The following MAD1L1 variants were observed in gnomAD, a reference collection of about 807,000 sequenced individuals.
MAD1L1 encodes the protein mitotic arrest deficient 1 like 1.
Under a neutral mutation model 96.9 loss-of-function variants are expected in MAD1L1, and 95 were observed. The observed-to-expected ratio is 0.98, with a 90% CI of 0.83 to 1.16. The LOEUF is 1.16. MAD1L1 is among the 50% of genes most tolerant of loss of function. The pLI, the probability that MAD1L1 is intolerant of heterozygous loss-of-function variation, is 0.00. For synonymous variants in MAD1L1, 473 were observed against 396.6 expected (o/e 1.19, Z -2.29); for missense variants, 1,007 against 954.4 (o/e 1.06, Z -0.73).
intron 11 of MAD1L1, among the ~76,000 whole-genome samples, chr7:2,074,014 G>A (rs563607856): frequency 5.3e-5 from 8 of 152,284 alleles, no homozygotes; most frequent in Non-Finnish European, 7.3e-5. Context: ...ACACCAAGAC[G>A]TGACAAGGAG....
chr7:1,962,206 T>A (rs1779983853), intron 15 of MAD1L1, among the ~76,000 whole-genome samples: 1 of 152,242 alleles, frequency 6.6e-6, no homozygotes, highest in Admixed American at 6.5e-5. Flanking sequence ...TGGTCGTGAA[T>A]AAGTCTCACA....
intron 17 of MAD1L1, among the ~76,000 whole-genome samples, chr7:1,925,251 A>G: frequency 6.6e-6 from 1 of 152,248 alleles, no homozygotes; most frequent in Admixed American, 6.5e-5. Flanking sequence ...AATCGTAGAA[A>G]GTGCGTTCCC....
At chr7:1,817,258 G>GCAAA (rs1384954656) in intron 18 of MAD1L1, among the ~76,000 whole-genome samples, 1 of 152,106 alleles carries the variant, frequency 6.6e-6, no homozygotes, top group African/African-American at 2.4e-5. Context: ...TGCGGCCACT[G>GCAAA]CAAACAGCCG....
At chr7:2,179,101 AAACT>A (rs1452983954) in intron 10 of MAD1L1, among the ~76,000 whole-genome samples, 1 of 152,216 alleles carries the variant, frequency 6.6e-6, no homozygotes, top group Non-Finnish European at 1.5e-5. Flanking sequence ...TGAACTCTGA[AAACT>A]AACCAAAGGC....
intron 11 of MAD1L1, among the ~76,000 whole-genome samples, chr7:2,123,599 C>G (rs1445216597): frequency 3.3e-5 from 5 of 152,160 alleles, no homozygotes; most frequent in Non-Finnish European, 7.3e-5. Flanking sequence ...GCCAAGGGCA[C>G]GCATGGGAGG....
chr7:1,884,821 G>A lies in MAD1L1; in HGVS notation c.1998+13379C>T, dbSNP rs1785909608. Among the ~76,000 whole-genome samples the A allele has an allele frequency of 2.0e-5, 3 of 152,338 alleles. No individual in the cohort carries two copies. The South Asian group carries it at 6.2e-4, about 32-fold the overall frequency. ...CTGGGGGCAGCCTGAGCCACAGCAG[G>A]GAGGCCACAGCGCCCTCAGACGCAG... On this transcript the variant is annotated intron_variant, in intron 18 of 18. Transcript: ENST00000265854.
chr7:1,848,083 G>A (rs1009836356), intron 18 of MAD1L1: 7 of 283,606 alleles, frequency 2.5e-5, no homozygotes, highest in East Asian at 1.9e-4. Context: ...GTGCAGAGAC[G>A]ATGATGGAGG....
At chr7:2,000,167 C>T (rs987177913) in intron 14 of MAD1L1, among the ~76,000 whole-genome samples, 1 of 152,156 alleles carries the variant, frequency 6.6e-6, no homozygotes, top group Admixed American at 6.5e-5. Context: ...CCACCCCATA[C>T]CATGAGCCCA....
intron 18 of MAD1L1, among the ~76,000 whole-genome samples, chr7:1,826,530 G>C (rs1782402747): frequency 6.6e-6 from 1 of 152,190 alleles, no homozygotes; most frequent in African/African-American, 2.4e-5. Flanking sequence ...TTGACCCCAG[G>C]ACACCCTGCT....
chr7:2,208,317 T>A (rs1792706828), intron 10 of MAD1L1, among the ~76,000 whole-genome samples: 1 of 151,748 alleles, frequency 6.6e-6, no homozygotes, highest in Non-Finnish European at 1.5e-5. Flanking sequence ...TGTCATTTAT[T>A]CCCTGGGAAT....
chr7:2,182,960 C>T (rs1437847370), intron 10 of MAD1L1, among the ~76,000 whole-genome samples: 4 of 152,026 alleles, frequency 2.6e-5, no homozygotes, highest in Non-Finnish European at 5.9e-5. Flanking sequence ...TGGTGGCTCA[C>T]GCTTATAATC....
intron 18 of MAD1L1, among the ~76,000 whole-genome samples, chr7:1,855,830 G>C (rs570808683): frequency 6.6e-6 from 1 of 152,222 alleles, no homozygotes; most frequent in South Asian, 2.1e-4. Flanking sequence ...TTCGGGGTCT[G>C]TTACAGCTGC....
At chr7:1,943,598 G>A (rs1342361152) in intron 16 of MAD1L1, among the ~76,000 whole-genome samples, 4 of 152,162 alleles carry the variant, frequency 2.6e-5, no homozygotes, top group Non-Finnish European at 4.4e-5. Flanking sequence ...GGACGGCTGG[G>A]AAGTCACGCA....
At chr7:1,816,321 G>T in intron 18 of MAD1L1, 93 bp from the exon 19 acceptor site, 2 of 1,329,132 alleles carry the variant, frequency 1.5e-6, no homozygotes, top group Non-Finnish European at 2.1e-6. Context: ...CCAGCCATGG[G>T]GGCTTCCCTC....
intron 3 of MAD1L1, among the ~76,000 whole-genome samples, chr7:2,227,088 G>A (rs1170165785): frequency 6.6e-6 from 1 of 151,954 alleles, no homozygotes; most frequent in East Asian, 1.9e-4. Flanking sequence ...GAGGTCAGGA[G>A]TTTGAGACCA....
chr7:1,986,967 G>A (rs974693703), intron 14 of MAD1L1, among the ~76,000 whole-genome samples: 1 of 151,796 alleles, frequency 6.6e-6, no homozygotes, highest in Admixed American at 6.6e-5. Context: ...CGCCAGGCCA[G>A]CTCTCACCCC....
intron 11 of MAD1L1, among the ~76,000 whole-genome samples, chr7:2,085,823 T>G (rs3778952): frequency 6.6e-6 from 1 of 152,196 alleles, no homozygotes; most frequent in Non-Finnish European, 1.5e-5. Flanking sequence ...TTCTCTTGGG[T>G]GCGCACTTAG....
At chr7:2,208,192 T>C (rs1368370586) in intron 10 of MAD1L1, among the ~76,000 whole-genome samples, 1 of 152,230 alleles carries the variant, frequency 6.6e-6, no homozygotes, top group African/African-American at 2.4e-5. Flanking sequence ...GATGCCATCA[T>C]ACATGGTATG....
chr7:2,030,181 G>A (rs976536943), intron 12 of MAD1L1, among the ~76,000 whole-genome samples: 5 of 152,202 alleles, frequency 3.3e-5, no homozygotes, highest in African/African-American at 1.2e-4. Flanking sequence ...GTGTACAGGT[G>A]CATGTCCGCT....
Sources: allele counts gnomAD v4.1 joint callset (sites outside exome capture counted in the v4.1 genomes callset), GRCh38; gene constraint gnomAD v4.1.1; transcripts MANE v1.5; gene names NCBI Gene and HGNC (gene_info 2026-07-23, HGNC 2026-07-21).